Variants in NHSL3 observed in about 807,000 individuals in gnomAD.
NHSL3 encodes NHS like 3, also known as NHS-like protein 3.
chr1:32,772,288 G>T, the NHSL3 span: 8 of 870,854 alleles, frequency 9.2e-6, no homozygotes, highest in Non-Finnish European at 1.0e-5. Flanking sequence ...CCCCCCACCC[G>T]CCTCCCCCAG....
the NHSL3 span, chr1:32,770,268 A>G: frequency 4.4e-6 from 7 of 1,604,126 alleles, no homozygotes; most frequent in East Asian, 9.0e-5. The surrounding 1 kb of genome is among the most constrained non-coding windows in gnomAD (Gnocchi z 8.3). Flanking sequence ...TGCCGCCTAC[A>G]GTGGACGTGG....
the NHSL3 span, chr1:32,765,968 C>T: frequency 4.9e-6 from 4 of 817,292 alleles, no homozygotes; most frequent in Non-Finnish European, 7.8e-6. Context: ...AATCTCCCAT[C>T]CGGCTGTGCT....
the NHSL3 span, chr1:32,767,662 G>C: frequency 1.3e-6 from 1 of 747,080 alleles, no homozygotes; most frequent in Non-Finnish European, 2.2e-6. Context: ...GGGGAAGGGG[G>C]CATTGCTTGT....
the NHSL3 span, chr1:32,770,582 G>A: frequency 6.6e-7 from 1 of 1,522,198 alleles, no homozygotes; most frequent in Admixed American, 2.1e-5. This position sits in a 1 kb window ranked among gnomAD's most constrained non-coding sequence, Gnocchi z 8.3. Flanking sequence ...AGTGGGGGCA[G>A]CACTGCTGAG....
At chr1:32,747,330 G>A in the NHSL3 span, among the ~76,000 whole-genome samples, 6 of 151,860 alleles carry the variant, frequency 4.0e-5, no homozygotes, top group East Asian at 1.9e-4. Flanking sequence ...GAGTGCCACC[G>A]TGCCTGGCTA....
the NHSL3 span, chr1:32,770,355 G>A: frequency 3.1e-6 from 5 of 1,610,086 alleles, no homozygotes; most frequent in South Asian, 2.2e-5. This position sits in a 1 kb window ranked among gnomAD's most constrained non-coding sequence, Gnocchi z 8.3. Context: ...CAGTCCGCTC[G>A]CTGGGGCGCT....
chr1:32,749,995 G>A, the NHSL3 span, among the ~76,000 whole-genome samples: 1 of 152,132 alleles, frequency 6.6e-6, no homozygotes, highest in Non-Finnish European at 1.5e-5. Context: ...GACCCTCAAA[G>A]CTGTCTCAGC....
chr1:32,764,023 G>A, the NHSL3 span, among the ~76,000 whole-genome samples: 1 of 151,950 alleles, frequency 6.6e-6, no homozygotes, highest in Non-Finnish European at 1.5e-5. Flanking sequence ...CCACGCCTGG[G>A]TAATTTTCAA....
chr1:32,772,290 C>CCA, the NHSL3 span: 3 of 1,593,364 alleles, frequency 1.9e-6, no homozygotes, highest in Non-Finnish European at 2.6e-6. Context: ...CCCCACCCGC[C>CCA]TCCCCCAGTT....
At chr1:32,771,673 A>G in the NHSL3 span, 4 of 1,610,952 alleles carry the variant, frequency 2.5e-6, no homozygotes, top group African/African-American at 1.3e-5. Flanking sequence ...GCCCCCGGGT[A>G]GCCCAGACCC....
At chr1:32,772,138 G>T in the NHSL3 span, 23 of 1,613,098 alleles carry the variant, frequency 1.4e-5, no homozygotes, top group Non-Finnish European at 1.7e-5. Context: ...GGAGCGGCCC[G>T]TGTCCCCTGA....
At chr1:32,751,044 C>G in the NHSL3 span, among the ~76,000 whole-genome samples, 1 of 151,690 alleles carries the variant, frequency 6.6e-6, no homozygotes, top group Non-Finnish European at 1.5e-5. Flanking sequence ...CTCCCGACCT[C>G]AGGTGATCTG....
chr1:32,768,980 G>T, the NHSL3 span: 2 of 587,974 alleles, frequency 3.4e-6, no homozygotes, highest in African/African-American at 3.7e-5. Flanking sequence ...GCCGGGTGCG[G>T]TGGCTCACGC....
At chr1:32,769,805 G>A in the NHSL3 span, 58 of 1,612,254 alleles carry the variant, frequency 3.6e-5, no homozygotes, top group African/African-American at 6.9e-4. Context: ...TGGGTTAGGA[G>A]GGCAGTGGTG....
the NHSL3 span, chr1:32,771,518 A>G: frequency 1.3e-6 from 2 of 1,582,764 alleles, no homozygotes; most frequent in East Asian, 2.3e-5. Context: ...CCTGAGGAGC[A>G]GGACCTGTCC....
At chr1:32,747,473 G>A in the NHSL3 span, among the ~76,000 whole-genome samples, 29 of 152,062 alleles carry the variant, frequency 1.9e-4, no homozygotes, top group African/African-American at 5.8e-4. Flanking sequence ...GCGACTGGCC[G>A]ACAAAGATGG....
At chr1:32,751,703 A>G in the NHSL3 span, among the ~76,000 whole-genome samples, 1 of 152,142 alleles carries the variant, frequency 6.6e-6, no homozygotes. Flanking sequence ...GGCATTGAGA[A>G]TGAAAAGGCA....
At chr1:32,748,105 T>A in the NHSL3 span, among the ~76,000 whole-genome samples, 1 of 151,304 alleles carries the variant, frequency 6.6e-6, no homozygotes, top group South Asian at 2.1e-4. Flanking sequence ...AACAAAAAGC[T>A]CCGTCTCAAA....
the NHSL3 span, chr1:32,772,091 G>A: frequency 6.2e-7 from 1 of 1,613,186 alleles, no homozygotes; most frequent in Non-Finnish European, 8.5e-7. Context: ...TCAACGGCCA[G>A]TTTCATCTTC....
Sources: allele counts gnomAD v4.1 joint callset (sites outside exome capture counted in the v4.1 genomes callset), GRCh38; gene constraint gnomAD v4.1.1; non-coding constraint Gnocchi (gnomAD v3.1); transcripts MANE v1.5; gene names NCBI Gene and HGNC (gene_info 2026-07-23, HGNC 2026-07-21).